The following CLCN4 variants were observed in gnomAD, a reference collection of about 807,000 sequenced individuals.
The protein encoded by CLCN4 is Cl-/H+ antiporter 4.
CLCN4 carries 1 observed loss-of-function variant against 41.7 expected under a neutral mutation model. The ratio of observed to expected loss-of-function variants is 0.02; its 90% CI spans 0.01 to 0.11. The LOEUF is 0.11. CLCN4 is among the 10% of genes least tolerant of loss of function. The probability of loss-of-function intolerance (pLI) is 1.00; values close to 1 mark genes in which losing one functional copy is unlikely to be tolerated. For missense variants in CLCN4, 287 were observed against 661.0 expected, an observed-to-expected ratio of 0.43 and a Z score of 6.20; for synonymous variants, 277 against 285.8, an observed-to-expected ratio of 0.97 and a Z score of 0.31.
At chrX:10,179,814 C>T (rs775795923) in intron 2 of CLCN4, among the ~76,000 whole-genome samples, 1 of 112,708 alleles carries the variant, frequency 8.9e-6, no homozygotes, top group African/African-American at 3.2e-5. Flanking sequence ...GTCTTCTTCA[C>T]AGCACCCTGA....
At chrX:10,203,355 C>T (rs752554374) in intron 6 of CLCN4, among the ~76,000 whole-genome samples, 3 of 111,516 alleles carry the variant, frequency 2.7e-5, no homozygotes, top group South Asian at 3.8e-4. Context: ...TAGTTAAGGA[C>T]GGGTCTAACC....
At chrX:10,212,100 C>T (rs757326842) in intron 9 of CLCN4, among the ~76,000 whole-genome samples, 10 of 112,029 alleles carry the variant, frequency 8.9e-5, no homozygotes, top group African/African-American at 3.2e-4. Flanking sequence ...TTTTAAAAGC[C>T]ATTCTGAATG....
intron 8 of CLCN4, 78 bp downstream of exon 8, chrX:10,206,854 A>T: frequency 1.4e-6 from 1 of 697,499 alleles, no homozygotes; most frequent in South Asian, 3.2e-5. Flanking sequence ...GAAGTATTGG[A>T]TAAGATTCCG....
Position 10,220,806 on chromosome X carries a change from C to G in CLCN4, c.2121C>G (p.His707Gln). Reference sequence around the variant, plus strand: ...TCAGCCCGTTTACAGTGACAGACCACACTCCGATGGAAACGGTGGTGGATA... The same window carrying G: ...TCAGCCCGTTTACAGTGACAGACCAGACTCCGATGGAAACGGTGGTGGATA... ...LNLSPFTVTD[H>Q]TPMETVVDIF... The change falls in exon 12 of 13, where the codon CAC becomes CAG. Residue 707 changes from histidine (H) to glutamine (Q), a missense_variant. By Grantham distance (24) the His-to-Gln change is conservative. Coordinates refer to ENST00000380833, the MANE Select transcript of CLCN4 (RefSeq NM_001830.4). The G allele has an allele frequency of 3.3e-6, 4 of 1,211,951 alleles. No individual in the cohort carries two copies. The highest frequency in any genetic ancestry group is 4.5e-6 in the Non-Finnish European group (4 of 895,505).
intron 11 of CLCN4, 117 bp from the exon 12 acceptor site, chrX:10,220,544 T>G (rs1924831371): frequency 1.8e-6 from 1 of 563,951 alleles, no homozygotes; most frequent in Non-Finnish European, 3.0e-6. Context: ...GAATGTGTGG[T>G]TCATCCTCCA....
At position 10,206,747 on chromosome X, in the gene CLCN4, A is replaced by G. The variant is rs1175092187; in HGVS notation, c.814A>G (p.Ile272Val). The G allele has an allele frequency of 1.7e-6, 2 of 1,205,856 alleles. No individual in the cohort carries two copies. The highest frequency in any genetic ancestry group is 2.2e-6 in the Non-Finnish European group (2 of 893,276). ...AGVSVAFGAP[I>V]GGVLFSLEEV... ...AGTCTCTGTTGCCTTTGGTGCACCA[A>G]TTGGAGGCGTGCTTTTCAGTCTAGA... The change falls in exon 8 of 13, where the codon ATT (isoleucine) becomes GTT (valine). Residue 272 changes from isoleucine to valine, a missense_variant. Transcript: ENST00000380833.
rs759089094 is a variant in CLCN4 at position 10,202,638 on chromosome X, CAAAAAAAAAAAAAA to C, written c.556-3701_556-3688del. Among the ~76,000 whole-genome samples the C allele has an allele frequency of 1.3e-3, 25 of 19,649 alleles. No homozygotes were observed. The South Asian group carries it at 0.027, about 21-fold the overall frequency. The allele number at this position is 19,649 out of a possible 115,157, so 17.1% of individuals were successfully genotyped here. On this transcript the variant is annotated intron_variant, in intron 6 of 12. Coordinates refer to ENST00000380833, the MANE Select transcript of CLCN4 (RefSeq NM_001830.4). ...TGGGTGACAGAGCCAGACCCTGCCT[CAAAAAAAAAAAAAA>C]AAAAAAAAAAAAAAAAAAGAGTGAA...
chrX:10,206,238 C>A, intron 6 of CLCN4, 120 bp from the exon 7 acceptor site: 1 of 491,815 alleles, frequency 2.0e-6, no homozygotes, highest in Non-Finnish European at 3.5e-6. Context: ...AAAATGGTTT[C>A]TGTTCCATGC....
intron 12 of CLCN4, among the ~76,000 whole-genome samples, chrX:10,228,458 C>T (rs1925043872): frequency 9.0e-6 from 1 of 110,896 alleles, no homozygotes; most frequent in Non-Finnish European, 1.9e-5. Context: ...CGTACAGCAC[C>T]CTCTGGGACC....
At chrX:10,158,611 A>C (rs1039555532) in intron 2 of CLCN4, 60 bp downstream of exon 2, 4 of 271,323 alleles carry the variant, frequency 1.5e-5, no homozygotes, top group African/African-American at 5.6e-5. Flanking sequence ...CGGACGCTGC[A>C]GGTGGAGCCC....
chrX:10,160,989 G>A (rs1346469725), intron 2 of CLCN4, among the ~76,000 whole-genome samples: 1 of 110,924 alleles, frequency 9.0e-6, no homozygotes, highest in Non-Finnish European at 1.9e-5. Context: ...ATAGCAAGGG[G>A]GGGACATGTT....
chrX:10,173,117 C>A (rs1423979125), intron 2 of CLCN4, among the ~76,000 whole-genome samples: 2 of 111,204 alleles, frequency 1.8e-5, no homozygotes, highest in African/African-American at 3.3e-5. Context: ...CCTCCCCTCT[C>A]AGACATCTCC....
rs1392858544 is a variant in CLCN4, at chrX:10,234,313, G to T, written c.*729G>T. ...AACTATTGGAGCATACAGTACTGCG[G>T]TGTGTCTCCTCCCATACAAAGGGAC... On this transcript the variant is annotated 3_prime_UTR_variant, in exon 13 of 13. Transcript: ENST00000380833. 1 of 112,555 alleles carries T rather than the reference G, an allele frequency of 8.9e-6. No homozygotes were observed. Among genetic ancestry groups the T allele is most frequent in the Non-Finnish European group, 1.9e-5 (1 of 53,254 alleles). 9.3% of individuals were successfully genotyped at this position (112,555 alleles called of 1,213,427 possible). A position where few individuals can be genotyped will look rare whatever the true frequency, so the allele number is the denominator to read the frequency against.
At chrX:10,181,201 T>TA (rs1356495233) in intron 2 of CLCN4, among the ~76,000 whole-genome samples, 4 of 108,134 alleles carry the variant, frequency 3.7e-5, no homozygotes, top group Non-Finnish European at 7.7e-5. Context: ...CTACAGATAA[T>TA]AAAAAAAAAT....
chrX:10,217,924 G>T (rs1281110638), intron 11 of CLCN4, among the ~76,000 whole-genome samples: 5 of 110,561 alleles, frequency 4.5e-5, no homozygotes, highest in Non-Finnish European at 9.5e-5. Context: ...TGTATTTTTA[G>T]TAGGGACGGA....
chrX:10,200,675 A>G (rs192561595), intron 6 of CLCN4, among the ~76,000 whole-genome samples: 6 of 111,561 alleles, frequency 5.4e-5, no homozygotes, highest in African/African-American at 2.0e-4. Context: ...TAAAATACTG[A>G]GTTGAGGATT....
intron 2 of CLCN4, among the ~76,000 whole-genome samples, chrX:10,168,509 T>C (rs1186222104): frequency 8.9e-6 from 1 of 112,255 alleles, no homozygotes; most frequent in East Asian, 2.8e-4. Flanking sequence ...GAGAAAGTAT[T>C]TCACGGGCAC....
chrX:10,194,539 T>G (rs1924047880), intron 4 of CLCN4, among the ~76,000 whole-genome samples: 1 of 111,722 alleles, frequency 9.0e-6, no homozygotes, highest in Admixed American at 9.5e-5. Context: ...AATATTAATG[T>G]GTGTGATTCT....
In CLCN4 at chrX:10,212,566, T is replaced by A; in HGVS notation, c.1489T>A (p.Trp497Arg). The A allele has an allele frequency of 8.3e-7, 1 of 1,211,568 alleles. No homozygotes were observed. The highest frequency in any genetic ancestry group is 1.1e-6 in the Non-Finnish European group (1 of 895,291). Residue 497 changes from tryptophan to arginine, a missense_variant, in exon 10 of 13, where the codon TGG (tryptophan) becomes AGG (arginine). Physicochemically the swap from Trp to Arg is moderately radical, Grantham distance 101. Around this residue, in one of 6 missense-constraint regions of CLCN4, gnomAD observed 94 missense variants for 177.9 expected, o/e 0.53. Coordinates refer to ENST00000380833, the MANE Select transcript of CLCN4 (RefSeq NM_001830.4). The part of the protein sequence containing the change: ...VEQLAYHHHD[W>R]IIFRNWCRPG... ...GCAGCTGGCCTACCATCACCATGAC[T>A]GGATCATCTTCAGGAACTGGTGCAG... is the stretch of plus-strand genomic sequence containing the variant.
Sources: gnomAD v4.1 joint callset for allele counts (sites outside exome capture counted in the v4.1 genomes callset) on GRCh38, gnomAD v4.1.1 for gene constraint, gnomAD v4.1.1 regional missense constraint, MANE v1.5 for transcripts, NCBI Gene and HGNC (gene_info 2026-07-23, HGNC 2026-07-21) for gene names.